ELF5: variants seen among roughly 807,000 people sequenced by gnomAD.
ELF5 encodes the protein ETS-related transcription factor Elf-5.
ELF5 carries 31 observed loss-of-function variants against 38.2 expected under a neutral mutation model. The ratio of observed to expected loss-of-function variants is 0.81; its 90% CI spans 0.61 to 1.10. The LOEUF (loss-of-function observed/expected upper bound fraction) is 1.10, where lower values mean the gene tolerates loss of function less well. Among genes scored for constraint, ELF5 ranks in the 50% least tolerant of loss-of-function variants. The pLI is 0.00. For synonymous variants in ELF5, 121 were observed against 112.5 expected, an observed-to-expected ratio of 1.08 and a Z score of -0.48; for missense variants, 300 against 306.6, an observed-to-expected ratio of 0.98 and a Z score of 0.16.
intron 2 of ELF5, among the ~76,000 whole-genome samples, chr11:34,498,682 A>G (rs7130345): frequency 0.13 from 20,375 of 152,252 alleles, 1,504 homozygotes; most frequent in Admixed American, 0.2. Context: ...TGAAAGTCAC[A>G]TAATATTCAT....
intron 4 of ELF5, among the ~76,000 whole-genome samples, chr11:34,489,048 T>C (rs12421999): frequency 0.13 from 20,159 of 152,264 alleles, 1,489 homozygotes; most frequent in Admixed American, 0.21. Context: ...CCTGGCAGAA[T>C]GCAGAGCTGC....
intron 4 of ELF5, among the ~76,000 whole-genome samples, chr11:34,484,280 C>A (rs932104108): frequency 8.6e-5 from 13 of 151,530 alleles, no homozygotes; most frequent in African/African-American, 3.2e-4. Context: ...CCACACTATA[C>A]TGTAATAACT....
At chr11:34,485,311 A>G (rs1346252383) in intron 4 of ELF5, among the ~76,000 whole-genome samples, 1 of 152,224 alleles carries the variant, frequency 6.6e-6, no homozygotes, top group African/African-American at 2.4e-5. Flanking sequence ...AACCATTATT[A>G]GCTAAGATTT....
rs1055112620 is a variant in ELF5, at chr11:34,479,770, C to T, written c.*448G>A. On this transcript the variant is annotated 3_prime_UTR_variant, in exon 7 of 7. Coordinates refer to ENST00000257832, the MANE Select transcript of ELF5 (RefSeq NM_001422.4). The stretch of plus-strand genomic sequence containing the variant: ...TAAAGTATGTATGTCTTATATCTCA[C>T]CCTCTCCTACCATAACCTGCAAACT... 1 of 155,970 alleles carries T rather than the reference C, an allele frequency of 6.4e-6. No homozygotes were observed. Among genetic ancestry groups the T allele is most frequent in the African/African-American group, 2.4e-5 (1 of 41,454 alleles). 9.7% of individuals were successfully genotyped at this position (155,970 alleles called of 1,614,324 possible). A position where few individuals can be genotyped will look rare whatever the true frequency, so the allele number is the denominator to read the frequency against.
chr11:34,484,609 C>T (rs1034652037), intron 4 of ELF5, among the ~76,000 whole-genome samples: 3 of 152,040 alleles, frequency 2.0e-5, no homozygotes, highest in Non-Finnish European at 4.4e-5. Context: ...GAATGACATC[C>T]TGTGCCCCAC....
chr11:34,507,012 C>G (rs1336656260), intron 1 of ELF5, among the ~76,000 whole-genome samples: 1 of 152,130 alleles, frequency 6.6e-6, no homozygotes, highest in Admixed American at 6.5e-5. Context: ...CATACATACA[C>G]ATACATACAA....
chr11:34,503,210 G>A (rs1392216166), intron 2 of ELF5, among the ~76,000 whole-genome samples: 4 of 152,108 alleles, frequency 2.6e-5, no homozygotes, highest in African/African-American at 7.2e-5. Context: ...TCAGGCTGGA[G>A]TGCAGTGGCA....
At chr11:34,509,067 T>C (rs1303040946) in intron 1 of ELF5, among the ~76,000 whole-genome samples, 1 of 152,156 alleles carries the variant, frequency 6.6e-6, no homozygotes, top group Non-Finnish European at 1.5e-5. Flanking sequence ...CGGTGGTTCA[T>C]GCCTGTAATC....
chr11:34,512,334 T>C (rs1850780793), intron 1 of ELF5, among the ~76,000 whole-genome samples: 1 of 152,220 alleles, frequency 6.6e-6, no homozygotes, highest in Non-Finnish European at 1.5e-5. Context: ...TGTTTGTAGC[T>C]GTTTTTCTGA....
In ELF5 at chr11:34,480,304, T is replaced by C. The variant is rs1161040026; in HGVS notation, c.682A>G (p.Lys228Glu). 24 of 1,613,854 alleles carry C rather than the reference T, an allele frequency of 1.5e-5. No individual in the cohort carries two copies. The highest frequency in any genetic ancestry group is 1.6e-4 in the Middle Eastern group (1 of 6,062). The change falls in exon 7 of 7, where the codon AAA (lysine) becomes GAA (glutamate). Residue 228 changes from lysine to glutamate, a missense_variant. Physicochemically the swap from Lys to Glu is moderately conservative, Grantham distance 56 (BLOSUM62 1). Coordinates refer to ENST00000257832, the MANE Select transcript of ELF5 (RefSeq NM_001422.4). ...KLSRALRYYY[K>E]TGILERVDRR... Reference sequence around the variant, plus strand: ...TCAACCCGCTCCAAAATTCCTGTTTTATAGTAGTATCTGAAAAAGCAAGCA... The same window carrying C: ...TCAACCCGCTCCAAAATTCCTGTTTCATAGTAGTATCTGAAAAAGCAAGCA...
intron 1 of ELF5, among the ~76,000 whole-genome samples, chr11:34,507,453 C>T (rs1020450935): frequency 4.6e-5 from 7 of 152,218 alleles, no homozygotes; most frequent in African/African-American, 1.7e-4. Context: ...TCAGGTGTGT[C>T]TGTTTAAAAA....
At chr11:34,507,037 A>G (rs1850629974) in intron 1 of ELF5, among the ~76,000 whole-genome samples, 1 of 152,236 alleles carries the variant, frequency 6.6e-6, no homozygotes, top group African/African-American at 2.4e-5. Flanking sequence ...TATATGTTAT[A>G]CAGTTTTATA....
intron 1 of ELF5, chr11:34,511,594 C>T: frequency 1.9e-6 from 3 of 1,614,156 alleles, no homozygotes; most frequent in Non-Finnish European, 2.5e-6. Flanking sequence ...CCAGATGCCT[C>T]CAGTGGCTTC....
chr11:34,480,016 A>G lies in ELF5; in HGVS notation c.*202T>C, dbSNP rs1856894950. The stretch of plus-strand genomic sequence containing the variant: ...CCCCTCATCCCCTTAGGGAGAAGAA[A>G]GGATTTCTTAAGAGTTTCTGCTCTC... On this transcript the variant is annotated 3_prime_UTR_variant, in exon 7 of 7. Transcript: ENST00000257832. 1.7e-6 allele frequency: 1 copy of G among 579,452 alleles called. No homozygotes were observed. The highest frequency in any genetic ancestry group is 1.9e-5 in the African/African-American group (1 of 53,172). The allele number at this position is 579,452 out of a possible 1,614,324, so 35.9% of individuals were successfully genotyped here.
chr11:34,499,435 T>G (rs1262833507), intron 2 of ELF5, among the ~76,000 whole-genome samples: 1 of 152,074 alleles, frequency 6.6e-6, no homozygotes, highest in Admixed American at 6.5e-5. Flanking sequence ...GAACAGGGTC[T>G]CACCATTTTG....
chr11:34,505,647 C>T lies in ELF5; in HGVS notation c.103G>A (p.Ala35Thr). The change falls in exon 2 of 7, where the codon GCC becomes ACC. Residue 35 changes from alanine (A) to threonine (T), a missense_variant. Physicochemically the swap from Ala to Thr is moderately conservative, Grantham distance 58. Coordinates refer to ENST00000257832, the MANE Select transcript of ELF5 (RefSeq NM_001422.4). Reference sequence around the variant, plus strand: ...TACGCACCTGTCTGATGCTCAAAGGCAGGGTAGTACTCTTCATTGCTGAAC... The same window carrying T: ...TACGCACCTGTCTGATGCTCAAAGGTAGGGTAGTACTCTTCATTGCTGAAC... The part of the protein sequence containing the change: ...DLFSNEEYYP[A>T]FEHQTACDSY... The T allele has an allele frequency of 6.2e-7, 1 of 1,613,742 alleles. No individual in the cohort carries two copies. The highest frequency in any genetic ancestry group is 1.3e-5 in the African/African-American group (1 of 75,034).
chr11:34,480,393 A>T (rs764040035), intron 6 of ELF5, 79 bp from the exon 7 acceptor site: 3 of 1,135,798 alleles, frequency 2.6e-6, no homozygotes, highest in Non-Finnish European at 4.0e-6. Context: ...CTGTCTCCTC[A>T]TTCCTCTCAG....
At position 34,493,573 on chromosome 11, in the gene ELF5, C is replaced by G; in HGVS notation, c.261G>C (p.Leu87=). 6.2e-7 allele frequency: 1 copy of G among 1,614,228 alleles called. No homozygotes were observed. Among genetic ancestry groups the G allele is most frequent in the South Asian group, 1.1e-5 (1 of 91,088 alleles). The change falls in exon 3 of 7, where the codon CTG becomes CTC. Residue 87 remains leucine, a synonymous_variant. Coordinates refer to ENST00000257832, the MANE Select transcript of ELF5 (RefSeq NM_001422.4). ...ISFCNFNISG[L]QLCSMTQEEF... The stretch of plus-strand genomic sequence containing the variant: ...CCTCCTGTGTCATGCTGCACAGCTG[C>G]AGGCCACTGATGTTGAAGTTGCAGA...
intron 2 of ELF5, among the ~76,000 whole-genome samples, chr11:34,498,954 G>A (rs1202078570): frequency 1.3e-5 from 2 of 152,052 alleles, no homozygotes; most frequent in African/African-American, 2.4e-5. Context: ...TAGCGGGCGT[G>A]GTGGTGCACG....
Sources: allele counts gnomAD v4.1 joint callset (sites outside exome capture counted in the v4.1 genomes callset), GRCh38; gene constraint gnomAD v4.1.1; transcripts MANE v1.5; gene names NCBI Gene and HGNC (gene_info 2026-07-23, HGNC 2026-07-21).